The following MUC17 variants were observed in gnomAD, a reference collection of about 807,000 sequenced individuals.
MUC17 encodes the protein mucin 17, cell surface associated.
Under a neutral mutation model 170.3 loss-of-function variants are expected in MUC17, and 190 were observed. That is an observed-to-expected ratio of 1.12 (90% confidence interval 0.99 to 1.26). The LOEUF (loss-of-function observed/expected upper bound fraction) is 1.26. Among genes scored for constraint, MUC17 ranks in the 50% most tolerant of loss-of-function variants. The probability of loss-of-function intolerance (pLI) is 0.00; values close to 1 mark genes in which losing one functional copy is unlikely to be tolerated. For missense variants in MUC17, 6,415 were observed against 5,530.0 expected (o/e 1.16, Z -5.08); for synonymous variants, 2,325 against 2,002.5 (o/e 1.16, Z -4.30).
At chr7:101,031,303 A>G (rs140347706) in intron 2 of MUC17, 82 bp downstream of exon 2, 28 of 1,526,614 alleles carry the variant, frequency 1.8e-5, no homozygotes, top group Non-Finnish European at 2.5e-5. Context: ...AGGCTGGTGA[A>G]GCTGCCATAT....
Position 101,049,247 on chromosome 7 carries a change from G to A in MUC17, c.12664-77G>A, listed in dbSNP as rs1461923763. The A allele has an allele frequency of 4.4e-6, 7 of 1,585,398 alleles. No individual in the cohort carries two copies. The East Asian group carries it at 1.3e-4, about 30-fold the overall frequency. ...TGCTGCGGGACAGGATCATCCCCTG[G>A]TCCTGTGACCTCCTGATGTCCCACA... On this transcript the variant is annotated intron_variant, in intron 5 of 12. Coordinates refer to ENST00000306151, the MANE Select transcript of MUC17 (RefSeq NM_001040105.2).
Position 101,031,906 on chromosome 7 carries a change from G to T in MUC17, c.490G>T (p.Val164Phe). ...EESISSTMAF[V>F]STAPLPSFEA... is the part of the protein sequence containing the mutation. ...AAGCATTTCATCAACAATGGCTTTT[G>T]TCAGCACTGCACCTCTTCCCAGTTT... Residue 164 changes from valine to phenylalanine, a missense_variant, in exon 3 of 13, where the codon GTC becomes TTC. By Grantham distance (50) the Val-to-Phe change is conservative (BLOSUM62 -1). Transcript: ENST00000306151. 6.2e-7 allele frequency: 1 copy of T among 1,614,084 alleles called. No individual in the cohort carries two copies. The highest frequency in any genetic ancestry group is 8.5e-7 in the Non-Finnish European group (1 of 1,180,020).
chr7:101,052,943 C>G (rs1413747245), intron 9 of MUC17, 43 bp from the exon 10 acceptor site: 1 of 1,588,946 alleles, frequency 6.3e-7, no homozygotes, highest in East Asian at 2.2e-5. Flanking sequence ...CTGGTGCTGA[C>G]TCCGTTCTCT....
intron 5 of MUC17, 21 bp from the exon 6 acceptor site, chr7:101,049,303 C>T (rs1794895584): frequency 6.2e-7 from 1 of 1,614,084 alleles, no homozygotes; most frequent in Non-Finnish European, 8.5e-7. Flanking sequence ...TGGGATGACA[C>T]AGTGGCCCCT....
At chr7:101,053,186 C>T in intron 10 of MUC17, 39 bp downstream of exon 10, 1 of 1,603,348 alleles carries the variant, frequency 6.2e-7, no homozygotes. Flanking sequence ...CAACTCCCTC[C>T]AGCTCCTCCT....
At position 101,040,000 on chromosome 7, in the gene MUC17, T is replaced by C. The variant is rs1012659587; in HGVS notation, c.8584T>C (p.Ser2862Pro). ...TGCTGAAGGTATCGTCGTGCCAATC[T>C]CAACTGCTAGTGAAGGAAGTACTCT... is the stretch of plus-strand genomic sequence containing the variant. The part of the protein sequence containing the change: ...TTAEGIVVPI[S>P]TASEGSTLLT... The change falls in exon 3 of 13, where the codon TCA becomes CCA. Residue 2862 changes from serine to proline, a missense_variant. By Grantham distance (74) the Ser-to-Pro change is moderately conservative (BLOSUM62 -1). Coordinates refer to ENST00000306151, the MANE Select transcript of MUC17 (RefSeq NM_001040105.2). 25 of 1,612,776 alleles carry C rather than the reference T, an allele frequency of 1.6e-5. No individual in the cohort carries two copies. Among genetic ancestry groups the C allele is most frequent in the Non-Finnish European group, 2.1e-5 (25 of 1,179,724 alleles).
rs140150533 is a variant in MUC17 at position 101,031,742 on chromosome 7, G to A, written c.326G>A (p.Arg109Lys). Residue 109 changes from arginine to lysine, a missense_variant, in exon 3 of 13, where the codon AGG becomes AAG. Physicochemically the swap from Arg to Lys is conservative, Grantham distance 26. Transcript: ENST00000306151. The stretch of plus-strand genomic sequence containing the variant: ...GACACTCCTGGTGTCTCCAGTACCA[G>A]GATGACACCAACAGAATCCAGAACA... ...TSDTPGVSSTRMTPTESRTTS... is the reference protein window; with the variant it reads ...TSDTPGVSSTKMTPTESRTTS... 1.2e-5 allele frequency: 20 copies of A among 1,606,298 alleles called. No individual in the cohort carries two copies. Among genetic ancestry groups the A allele is most frequent in the East Asian group, 4.5e-5 (2 of 44,846 alleles).
At position 101,035,758 on chromosome 7, in the gene MUC17, T is replaced by C; in HGVS notation, c.4342T>C (p.Ser1448Pro). Residue 1448 changes from serine to proline, a missense_variant, in exon 3 of 13, where the codon TCA becomes CCA. Physicochemically the swap from Ser to Pro is moderately conservative, Grantham distance 74 (BLOSUM62 -1). Coordinates refer to ENST00000306151, the MANE Select transcript of MUC17 (RefSeq NM_001040105.2). ...TGCTGAAGGTATCAGCATACCAACC[T>C]CAACTCCTAGTGAAGGAAAGACTCC... is the stretch of plus-strand genomic sequence containing the variant. ...TTAEGISIPT[S>P]TPSEGKTPLK... is the part of the protein sequence containing the mutation. The C allele has an allele frequency of 6.2e-7, 1 of 1,610,854 alleles. No individual in the cohort carries two copies. Among genetic ancestry groups the C allele is most frequent in the Non-Finnish European group, 8.5e-7 (1 of 1,178,146 alleles).
Position 101,058,150 on chromosome 7 carries a change from T to A in MUC17, c.*106T>A. On this transcript the variant is annotated 3_prime_UTR_variant, in exon 13 of 13. Transcript: ENST00000306151. ...CCATGGGAACTCAATGTTCCCATTG[T>A]AAGTACAGGAAACAAGCCCTGTACT... The A allele has an allele frequency of 9.7e-7, 1 of 1,031,304 alleles. No individual in the cohort carries two copies. Among genetic ancestry groups the A allele is most frequent in the Non-Finnish European group, 1.5e-6 (1 of 659,570 alleles). 63.9% of individuals were successfully genotyped at this position (1,031,304 alleles called of 1,614,324 possible).
rs149757750 is a variant in MUC17 at position 101,041,270 on chromosome 7, G to T, written c.9854G>T (p.Ser3285Ile). Reference sequence around the variant, plus strand: ...AGTGAAGGAAGCACTCCATTAACAAGTATGCCTGTCAGCACCACAACGGTG... The same window carrying T: ...AGTGAAGGAAGCACTCCATTAACAATTATGCCTGTCAGCACCACAACGGTG... ...TPSEGSTPLT[S>I]MPVSTTTVAS... The change falls in exon 3 of 13, where the codon AGT (serine) becomes ATT (isoleucine). Residue 3285 changes from serine (S) to isoleucine (I), a missense_variant. By Grantham distance (142) the Ser-to-Ile change is moderately radical. Coordinates refer to ENST00000306151, the MANE Select transcript of MUC17 (RefSeq NM_001040105.2). The T allele has an allele frequency of 2.7e-5, 43 of 1,607,320 alleles. No homozygotes were observed. The highest frequency in any genetic ancestry group is 3.7e-5 in the Non-Finnish European group (43 of 1,177,054).
intron 5 of MUC17, 148 bp from the exon 6 acceptor site, chr7:101,049,176 G>A (rs1794892777): frequency 7.2e-7 from 1 of 1,385,800 alleles, no homozygotes; most frequent in Admixed American, 1.7e-5. Flanking sequence ...CTGGGGTGGA[G>A]CAGGTCTCTG....
intron 1 of MUC17, among the ~76,000 whole-genome samples, chr7:101,021,278 C>T (rs1017387327): frequency 9.3e-5 from 14 of 150,868 alleles, no homozygotes; most frequent in African/African-American, 1.5e-4. Context: ...CTCTGCCTCC[C>T]GGGTTCAAGC....
At chr7:101,052,939 C>G (rs751883499) in intron 9 of MUC17, 47 bp from the exon 10 acceptor site, 2 of 1,582,568 alleles carry the variant, frequency 1.3e-6, no homozygotes, top group Non-Finnish European at 1.7e-6. Context: ...GAAGCTGGTG[C>G]TGACTCCGTT....
chr7:101,021,968 G>C (rs1794098021), intron 1 of MUC17, among the ~76,000 whole-genome samples: 1 of 152,196 alleles, frequency 6.6e-6, no homozygotes, highest in Non-Finnish European at 1.5e-5. Context: ...ACAATGTCCT[G>C]TCTGTTTGCC....
Position 101,034,269 on chromosome 7 carries a change from C to A in MUC17, c.2853C>A (p.Thr951=). ...ARTLSATPVD[T]STPVTTSTEA... ...CACTTTCAGCAACTCCTGTTGACAC[C>A]AGCACACCTGTGACCACTTCTACTG... is the stretch of plus-strand genomic sequence containing the variant. Residue 951 remains threonine, a synonymous_variant, in exon 3 of 13, where the codon ACC becomes ACA. Transcript: ENST00000306151. 2 of 1,608,988 alleles carry A rather than the reference C, an allele frequency of 1.2e-6. No homozygotes were observed. The highest frequency in any genetic ancestry group is 1.7e-6 in the Non-Finnish European group (2 of 1,177,814).
At position 101,053,115 on chromosome 7, in the gene MUC17, G is replaced by A; in HGVS notation, c.13233G>A (p.Met4411Ile). The change falls in exon 10 of 13, where the codon ATG becomes ATA. Residue 4411 changes from methionine (M) to isoleucine (I), a missense_variant. Transcript: ENST00000306151. ...LMLIILVALL[M>I]LVFRSKREVK... ...TGATCATCCTGGTAGCTCTCCTGAT[G>A]CTCGTTTTCCGCTCCAAGAGAGAGG... 6.2e-7 allele frequency: 1 copy of A among 1,614,056 alleles called. No homozygotes were observed. The highest frequency in any genetic ancestry group is 8.5e-7 in the Non-Finnish European group (1 of 1,179,996).
intron 3 of MUC17, among the ~76,000 whole-genome samples, chr7:101,045,245 C>T (rs1794817536): frequency 6.6e-6 from 1 of 152,172 alleles, no homozygotes; most frequent in South Asian, 2.1e-4. Flanking sequence ...TGATCTGTGT[C>T]TGCCCACAGA....
chr7:101,031,305 CT>C, intron 2 of MUC17, 84 bp downstream of exon 2: 1 of 1,525,238 alleles, frequency 6.6e-7, no homozygotes, highest in Admixed American at 2.1e-5. Context: ...GCTGGTGAAG[CT>C]GCCATATTTT....
chr7:101,040,670 C>T lies in MUC17; in HGVS notation c.9254C>T (p.Ser3085Leu), dbSNP rs769024651. Reference protein sequence around the residue: ...SPVVTSTEVSSSPTPAEGTSM... With the variant: ...SPVVTSTEVSLSPTPAEGTSM... Reference sequence around the variant, plus strand: ...GTGGTCACTTCTACTGAAGTCAGTTCATCTCCTACACCTGCTGAAGGTACC... The same window carrying T: ...GTGGTCACTTCTACTGAAGTCAGTTTATCTCCTACACCTGCTGAAGGTACC... Residue 3085 changes from serine to leucine, a missense_variant, in exon 3 of 13, where the codon TCA becomes TTA. By Grantham distance (145) the Ser-to-Leu change is moderately radical (BLOSUM62 -2). Transcript: ENST00000306151. The T allele has an allele frequency of 1.5e-5, 25 of 1,613,038 alleles. No individual in the cohort carries two copies. Among genetic ancestry groups the T allele is most frequent in the Non-Finnish European group, 1.9e-5 (23 of 1,179,588 alleles).
Sources: gnomAD v4.1 joint callset for allele counts (sites outside exome capture counted in the v4.1 genomes callset) on GRCh38, gnomAD v4.1.1 for gene constraint, MANE v1.5 for transcripts, NCBI Gene and HGNC (gene_info 2026-07-23, HGNC 2026-07-21) for gene names.